AKR1E2: variants seen among roughly 807,000 people sequenced by gnomAD.
AKR1E2 encodes the protein aldo-keto reductase family 1 member E2.
Under a neutral mutation model 41.9 loss-of-function variants are expected in AKR1E2, and 43 were observed. That is an observed-to-expected ratio of 1.03 (90% CI 0.80 to 1.32). The LOEUF (loss-of-function observed/expected upper bound fraction) is 1.32. Ranked by LOEUF, AKR1E2 falls within the 40% of genes most tolerant of loss-of-function variation. AKR1E2 has a pLI of 0.00. For synonymous variants in AKR1E2, 121 were observed against 138.9 expected (o/e 0.87, Z 0.91); for missense variants, 423 against 396.5 (o/e 1.07, Z -0.57).
the AKR1E2 span, among the ~76,000 whole-genome samples, chr10:4,864,766 G>C: frequency 6.6e-6 from 1 of 152,126 alleles, no homozygotes; most frequent in African/African-American, 2.4e-5. Context: ...CAAAGTCTCA[G>C]GATACAAAAT....
chr10:4,863,881 G>C, the AKR1E2 span, among the ~76,000 whole-genome samples: 1 of 152,148 alleles, frequency 6.6e-6, no homozygotes, highest in East Asian at 1.9e-4. Context: ...TAAATTCCTC[G>C]ACACATAAAC....
the AKR1E2 span, among the ~76,000 whole-genome samples, chr10:4,866,651 T>C: frequency 1.1e-5 from 1 of 90,152 alleles, no homozygotes; most frequent in Non-Finnish European, 2.5e-5. Context: ...TTTTGTTTTT[T>C]TTTTTTTTTG....
At chr10:4,864,914 A>G in the AKR1E2 span, among the ~76,000 whole-genome samples, 2 of 152,206 alleles carry the variant, frequency 1.3e-5, no homozygotes, top group African/African-American at 4.8e-5. Context: ...TTCTTTTTGC[A>G]GAGATACAGT....
chr10:4,832,103 T>G (rs1833015995), intron 2 of AKR1E2, among the ~76,000 whole-genome samples: 1 of 64,638 alleles, frequency 1.5e-5, no homozygotes. Context: ...CCTTTGCTTT[T>G]GATTTGGAAG....
downstream of AKR1E2, among the ~76,000 whole-genome samples, chr10:4,850,391 A>G (rs1469215324): frequency 6.6e-6 from 1 of 152,244 alleles, no homozygotes; most frequent in Non-Finnish European, 1.5e-5. Flanking sequence ...AAGGCTTAAA[A>G]AGCTGGAAAC....
upstream of AKR1E2, among the ~76,000 whole-genome samples, chr10:4,825,375 A>C (rs1385133929): frequency 6.6e-6 from 1 of 152,024 alleles, no homozygotes. Context: ...CAGGAGAGAT[A>C]AGAGGGGCGT....
chr10:4,846,976 G>A (rs936468146), intron 8 of AKR1E2, among the ~76,000 whole-genome samples, 172 bp from the exon 9 acceptor site: 4 of 152,330 alleles, frequency 2.6e-5, no homozygotes, highest in Non-Finnish European at 5.9e-5. Context: ...AAAATCAAAG[G>A]GCATTTGGGG....
At chr10:4,844,733 T>C (rs1403701758) in intron 8 of AKR1E2, among the ~76,000 whole-genome samples, 1 of 152,230 alleles carries the variant, frequency 6.6e-6, no homozygotes, top group East Asian at 1.9e-4. Flanking sequence ...CACAGGGTGC[T>C]GATTGGTGTG....
rs1834426210 is a variant in AKR1E2 at position 4,847,576 on chromosome 10, A to G, written c.*46A>G. On this transcript the variant is annotated 3_prime_UTR_variant, in exon 10 of 10. Transcript: ENST00000298375. ...TTCTGCTCAGCCCAGATGCACAGAC[A>G]CTATTGGCAATGTTGACCCTCCTCT... 3.8e-6 allele frequency: 6 copies of G among 1,599,058 alleles called. No homozygotes were observed. In the African/African-American group the frequency reaches 4.0e-5, roughly 11 times the overall value.
intron 8 of AKR1E2, chr10:4,846,096 C>G: frequency 1.3e-5 from 4 of 318,348 alleles, no homozygotes; most frequent in South Asian, 1.0e-4. Context: ...TTGCTGTTCC[C>G]CTTAAACCCA....
chr10:4,842,196 C>T (rs1008369261), intron 7 of AKR1E2, among the ~76,000 whole-genome samples: 1 of 152,106 alleles, frequency 6.6e-6, no homozygotes, highest in African/African-American at 2.4e-5. Context: ...GGGGGCTGGG[C>T]GCATGTTAAG....
At position 4,826,207 on chromosome 10, in the gene AKR1E2, G is replaced by T; in HGVS notation, c.-118G>T. On this transcript the variant is annotated 5_prime_UTR_variant, in exon 1 of 10. Transcript: ENST00000298375. ...TCCAGCCATTGTCGGAGTGTCAGCC[G>T]TCACAAGGCACTTCCAGCCAGTCGC... 2 of 775,776 alleles carry T rather than the reference G, an allele frequency of 2.6e-6. No homozygotes were observed. The highest frequency in any genetic ancestry group is 3.5e-6 in the Non-Finnish European group (2 of 570,650). The allele number at this position is 775,776 out of a possible 1,614,324, so 48.1% of individuals were successfully genotyped here. A position where few individuals can be genotyped will look rare whatever the true frequency, so the allele number is the denominator to read the frequency against.
At chr10:4,830,592 T>G in intron 1 of AKR1E2, 83 bp from the exon 2 acceptor site, 2 of 1,514,030 alleles carry the variant, frequency 1.3e-6, no homozygotes, top group Non-Finnish European at 1.8e-6. Flanking sequence ...TGTATTATGT[T>G]GTCCACATGC....
chr10:4,844,514 C>A (rs879249475), intron 8 of AKR1E2, among the ~76,000 whole-genome samples: 1 of 152,190 alleles, frequency 6.6e-6, no homozygotes, highest in African/African-American at 2.4e-5. Flanking sequence ...CCACATCCTG[C>A]TGATTGGTCC....
At chr10:4,839,918 A>G in intron 6 of AKR1E2, 92 bp downstream of exon 6, 1 of 1,233,102 alleles carries the variant, frequency 8.1e-7, no homozygotes, top group Non-Finnish European at 1.2e-6. Context: ...GGAGGGCTTA[A>G]TGGAGGTTTT....
chr10:4,839,753 C>G lies in AKR1E2; in HGVS notation c.607C>G (p.Gln203Glu), dbSNP rs140232346. ...NQIECHPYLTQKNLISFCQSR... is the reference protein window; with the variant it reads ...NQIECHPYLTEKNLISFCQSR... ...GATTGAGTGCCACCCATATCTTACT[C>G]AGAAGAATCTGATCAGTTTTTGCCA... Residue 203 changes from glutamine (Q) to glutamate (E), a missense_variant, in exon 6 of 10, where the codon CAG (glutamine) becomes GAG (glutamate). Gln to Glu is a conservative substitution (Grantham distance 29, BLOSUM62 2). Transcript: ENST00000298375. The G allele has an allele frequency of 1.3e-4, 212 of 1,613,952 alleles. No individual in the cohort carries two copies. The highest frequency in any genetic ancestry group is 6.6e-4 in the Middle Eastern group (4 of 6,084).
At chr10:4,842,565 G>A (rs1833975384) in intron 8 of AKR1E2, 61 bp downstream of exon 8, 8 of 1,480,028 alleles carry the variant, frequency 5.4e-6, no homozygotes, top group Non-Finnish European at 6.6e-6. Context: ...GGGAAGGGAT[G>A]ACTGCTGTAG....
At chr10:4,870,481 T>C in the AKR1E2 span, among the ~76,000 whole-genome samples, 1 of 117,024 alleles carries the variant, frequency 8.5e-6, no homozygotes, top group Admixed American at 1.0e-4. Flanking sequence ...TTAGGTCTTC[T>C]GGAAAAAAAA....
chr10:4,836,805 T>G lies in AKR1E2; in HGVS notation c.460-654T>G, dbSNP rs1901643. Among the ~76,000 whole-genome samples the G allele has an allele frequency of 3.9e-4, 59 of 152,188 alleles. 1 individual carries two copies. The highest frequency in any genetic ancestry group is 1.4e-3 in the African/African-American group (59 of 41,448). On this transcript the variant is annotated intron_variant, in intron 4 of 9. Coordinates refer to ENST00000298375, the MANE Select transcript of AKR1E2 (RefSeq NM_001040177.3). Reference sequence around the variant, plus strand: ...GAGGTTCCGGTGATTGTTGCAGAGTTGAGGCAGTAACTAACTGCTGCGTGT... The same window carrying G: ...GAGGTTCCGGTGATTGTTGCAGAGTGGAGGCAGTAACTAACTGCTGCGTGT...
Sources: allele counts gnomAD v4.1 joint callset (sites outside exome capture counted in the v4.1 genomes callset), GRCh38; gene constraint gnomAD v4.1.1; transcripts MANE v1.5; gene names NCBI Gene and HGNC (gene_info 2026-07-23, HGNC 2026-07-21).